The following FUT8 variants were observed in gnomAD, a reference collection of about 807,000 sequenced individuals.
FUT8 encodes alpha-(1,6)-fucosyltransferase.
A neutral mutation model predicts 71.3 loss-of-function variants in FUT8; 29 were observed. That is an observed-to-expected ratio of 0.41 (90% confidence interval 0.30 to 0.55). The LOEUF (loss-of-function observed/expected upper bound fraction) is 0.55. Ranked by LOEUF, FUT8 falls within the 20% of genes least tolerant of loss-of-function variation. The pLI is 0.34. For synonymous variants in FUT8, 254 were observed against 239.3 expected, an observed-to-expected ratio of 1.06 and a Z score of -0.57; for missense variants, 544 against 702.1, an observed-to-expected ratio of 0.77 and a Z score of 2.55.
chr14:65,365,060 C>G, the FUT8 span, among the ~76,000 whole-genome samples: 1 of 152,168 alleles, frequency 6.6e-6, no homozygotes, highest in Non-Finnish European at 1.5e-5. Flanking sequence ...TATTCTAATC[C>G]TTTTGGCAAG....
intron 2 of FUT8, among the ~76,000 whole-genome samples, chr14:65,534,537 AG>A: frequency 7.0e-6 from 1 of 142,804 alleles, no homozygotes. Context: ...TGTCTGGTTC[AG>A]GGCTGTTTTT....
the FUT8 span, among the ~76,000 whole-genome samples, chr14:65,363,278 AGC>A: frequency 1.9e-5 from 1 of 51,386 alleles, no homozygotes; most frequent in Non-Finnish European, 8.8e-5. Flanking sequence ...CCCGCCACCA[AGC>A]CTGGCTAATT....
chr14:65,533,881 G>C (rs1884114857), intron 2 of FUT8, among the ~76,000 whole-genome samples: 1 of 152,132 alleles, frequency 6.6e-6, no homozygotes, highest in Admixed American at 6.6e-5. Context: ...GTATTGAGAT[G>C]ATCATGTGGT....
intron 3 of FUT8, among the ~76,000 whole-genome samples, chr14:65,577,419 G>T (rs1324838595): frequency 6.6e-6 from 1 of 151,804 alleles, no homozygotes. Flanking sequence ...TCGTGTAAGG[G>T]GGCTTTTTGA....
At chr14:65,703,038 C>T (rs1251223040) in intron 7 of FUT8, among the ~76,000 whole-genome samples, 2 of 152,202 alleles carry the variant, frequency 1.3e-5, no homozygotes, top group Admixed American at 6.5e-5. Flanking sequence ...AGCCACTGCG[C>T]CCGGCCTAGG....
intron 1 of FUT8, chr14:65,430,140 C>T (rs1377235492): frequency 2.0e-5 from 3 of 151,650 alleles, no homozygotes; most frequent in African/African-American, 4.8e-5. Context: ...CCAGCTCAGC[C>T]TCCTGAGTAG....
intron 3 of FUT8, among the ~76,000 whole-genome samples, chr14:65,567,735 T>G (rs1886270521): frequency 6.6e-6 from 1 of 151,846 alleles, no homozygotes; most frequent in Non-Finnish European, 1.5e-5. Context: ...AACATTACAG[T>G]GGGAACAACA....
chr14:65,603,315 A>G lies in FUT8; in HGVS notation c.204-12663A>G, dbSNP rs1594807172. ...ATTTGGGTTTTTTTCTGGGTTCTCT[A>G]TTCTGTTCAGTTGGTCTTTGTGGCT... On this transcript the variant is annotated intron_variant, in intron 3 of 10. Transcript: ENST00000673929. The surrounding 1 kb of genome is among the most constrained non-coding windows in gnomAD (Gnocchi z 4.5). 6.6e-6 allele frequency among the ~76,000 whole-genome samples: 1 copy of G among 151,314 alleles called. No individual in the cohort carries two copies. Among genetic ancestry groups the G allele is most frequent in the African/African-American group, 2.4e-5 (1 of 41,218 alleles).
chr14:65,674,875 G>C lies in FUT8; in HGVS notation c.835+5395G>C, dbSNP rs551281918. Among the ~76,000 whole-genome samples the C allele has an allele frequency of 2.8e-3, 432 of 152,260 alleles. 2 individuals are homozygous for C. The highest frequency in any genetic ancestry group is 9.9e-3 in the African/African-American group (411 of 41,550). On this transcript the variant is annotated intron_variant, in intron 7 of 10. Transcript: ENST00000673929. ...GAAAAGCTAGCTGTCTCCTCTCCAA[G>C]ATTCTAGTAGGTTTCTCTGCCCTTT...
chr14:65,416,768 A>AT (rs763100202), intron 1 of FUT8, among the ~76,000 whole-genome samples: 12,682 of 129,244 alleles, frequency 0.098, 922 homozygotes, highest in South Asian at 0.2. Flanking sequence ...ATTTTCTTTA[A>AT]TTTTTTTTTT....
chr14:65,621,816 C>T (rs1889629987), intron 5 of FUT8, among the ~76,000 whole-genome samples: 1 of 151,998 alleles, frequency 6.6e-6, no homozygotes, highest in Non-Finnish European at 1.5e-5. Context: ...CCACCTTGGC[C>T]TCCCAAAGTT....
chr14:65,633,631 C>T (rs374987614), intron 6 of FUT8, among the ~76,000 whole-genome samples: 2 of 151,684 alleles, frequency 1.3e-5, no homozygotes, highest in Non-Finnish European at 2.9e-5. Context: ...TCTGCCCCGC[C>T]GCCCCGTCTG....
chr14:65,614,043 G>T lies in FUT8; in HGVS notation c.204-1935G>T, dbSNP rs553425345. Among the ~76,000 whole-genome samples the T allele has an allele frequency of 1.8e-4, 27 of 151,420 alleles. 1 individual carries two copies. The East Asian group carries it at 4.3e-3, about 24-fold the overall frequency. ...GCACGAGAATCATTTGAATCTGGGAGGCAGTGGTTGTGGCAAGCCAAGATC... is the reference window on the plus strand; with the variant it reads ...GCACGAGAATCATTTGAATCTGGGATGCAGTGGTTGTGGCAAGCCAAGATC... On this transcript the variant is annotated intron_variant, in intron 3 of 10. Transcript: ENST00000673929.
chr14:65,532,529 T>A (rs1234937626), intron 2 of FUT8, among the ~76,000 whole-genome samples: 3 of 152,220 alleles, frequency 2.0e-5, no homozygotes, highest in Non-Finnish European at 4.4e-5. Context: ...TGTTGGAAAT[T>A]AGACCTTTGT....
At position 65,517,511 on chromosome 14, in the gene FUT8, T is replaced by G. The variant is rs1170533740; in HGVS notation, c.-227-43826T>G. ...ATCGTTTCTTGCCAAAATTTTTGTTTGTTATCCTGAGCAGTTAGGAGGCAG... is the reference window on the plus strand; with the variant it reads ...ATCGTTTCTTGCCAAAATTTTTGTTGGTTATCCTGAGCAGTTAGGAGGCAG... On this transcript the variant is annotated intron_variant, in intron 2 of 10. Transcript: ENST00000673929. Among the ~76,000 whole-genome samples, 3 of 152,222 alleles carry G rather than the reference T, an allele frequency of 2.0e-5. No individual in the cohort carries two copies. The East Asian group carries it at 5.8e-4, about 29-fold the overall frequency.
chr14:65,455,839 G>A (rs755291890), intron 2 of FUT8, 121 bp downstream of exon 2: 1 of 392,360 alleles, frequency 2.5e-6, no homozygotes, highest in Non-Finnish European at 4.5e-6. Flanking sequence ...GGCCAAGTCA[G>A]TCTAAACTCT....
rs12586192 is a variant in FUT8 at position 65,603,715 on chromosome 14, G to A, written c.204-12263G>A. ...AAAAATACACTAAAAAAAAATCCAA[G>A]GTATACAGGCAACAGATAGGACGAT... is the stretch of plus-strand genomic sequence containing the variant. On this transcript the variant is annotated intron_variant, in intron 3 of 10. Transcript: ENST00000673929. The surrounding 1 kb of genome is among the most constrained non-coding windows in gnomAD (Gnocchi z 4.5). Among the ~76,000 whole-genome samples the A allele has an allele frequency of 4.1e-3, 629 of 151,580 alleles. 19 individuals are homozygous for A. The East Asian group carries it at 0.075, about 18-fold the overall frequency.
the FUT8 span, among the ~76,000 whole-genome samples, chr14:65,385,659 G>A: frequency 6.6e-6 from 1 of 152,078 alleles, no homozygotes; most frequent in South Asian, 2.1e-4. Context: ...AATGGCAGAA[G>A]TTATAATTGT....
chr14:65,587,450 A>G lies in FUT8; in HGVS notation c.203+25684A>G, dbSNP rs186692814. On this transcript the variant is annotated intron_variant, in intron 3 of 10. Coordinates refer to ENST00000673929, the MANE Select transcript of FUT8 (RefSeq NM_001371533.1). ...CGTTACACAAGTGATAATATTTAGG[A>G]ATTAATATATTTCTAGAGCAGTGCC... Among the ~76,000 whole-genome samples, 494 of 152,296 alleles carry G rather than the reference A, an allele frequency of 3.2e-3. 1 individual carries two copies. The highest frequency in any genetic ancestry group is 8.3e-3 in the Admixed American group (127 of 15,298).
Sources: gnomAD v4.1 joint callset for allele counts (sites outside exome capture counted in the v4.1 genomes callset) on GRCh38, gnomAD v4.1.1 for gene constraint, Gnocchi (gnomAD v3.1) non-coding constraint, MANE v1.5 for transcripts, NCBI Gene and HGNC (gene_info 2026-07-23, HGNC 2026-07-21) for gene names.